The following NCAPG variants were observed in gnomAD, a reference collection of about 807,000 sequenced individuals.
The protein encoded by NCAPG is non-SMC condensin I complex subunit G.
NCAPG carries 69 observed loss-of-function variants against 113.1 expected under a neutral mutation model. That is an observed-to-expected ratio of 0.61 (90% confidence interval 0.50 to 0.75). The LOEUF is 0.75. Among genes scored for constraint, NCAPG ranks in the 30% least tolerant of loss-of-function variants. NCAPG has a pLI of 0.00. For synonymous variants in NCAPG, 370 were observed against 415.8 expected, an observed-to-expected ratio of 0.89 and a Z score of 1.34; for missense variants, 1,058 against 1,177.0, an observed-to-expected ratio of 0.90 and a Z score of 1.48.
chr4:17,836,842 C>T (rs1722117240), intron 14 of NCAPG, among the ~76,000 whole-genome samples: 1 of 151,954 alleles, frequency 6.6e-6, no homozygotes, highest in South Asian at 2.1e-4. Context: ...CTTAGAAACC[C>T]TAAGCATTTA....
At chr4:17,818,119 G>T in intron 7 of NCAPG, 31 bp downstream of exon 7, 2 of 1,580,596 alleles carry the variant, frequency 1.3e-6, no homozygotes, top group South Asian at 2.4e-5. Context: ...TTTGGAGAGT[G>T]ATTGTGTTGC....
intron 7 of NCAPG, among the ~76,000 whole-genome samples, chr4:17,821,003 A>G (rs1457325469): frequency 2.0e-5 from 3 of 152,224 alleles, no homozygotes; most frequent in African/African-American, 7.2e-5. Flanking sequence ...ATTATAATAA[A>G]TGTCTTTATA....
chr4:17,838,329 C>A (rs1722186698), intron 16 of NCAPG, among the ~76,000 whole-genome samples: 1 of 152,202 alleles, frequency 6.6e-6, no homozygotes, highest in Admixed American at 6.5e-5. Flanking sequence ...CAGATGCTAA[C>A]AGATTAAGTT....
intron 11 of NCAPG, among the ~76,000 whole-genome samples, chr4:17,826,973 G>A (rs1560227533): frequency 6.6e-6 from 1 of 152,196 alleles, no homozygotes; most frequent in Non-Finnish European, 1.5e-5. Context: ...CAAAGGGCAA[G>A]TAACTTGCCC....
chr4:17,839,704 T>G lies in NCAPG; in HGVS notation c.2495T>G (p.Met832Arg). ...TTAACAGTACATGACAATTTGGCTATGAAAATTTGCAATGAGATCTTAACA... is the reference window on the plus strand; with the variant it reads ...TTAACAGTACATGACAATTTGGCTAGGAAAATTTGCAATGAGATCTTAACA... ...QALTVHDNLA[M>R]KICNEILTSP... is the part of the protein sequence containing the mutation. Residue 832 changes from methionine to arginine, a missense_variant, in exon 17 of 21, where the codon ATG (methionine) becomes AGG (arginine). By Grantham distance (91) the Met-to-Arg change is moderately conservative. Transcript: ENST00000251496. 2 of 1,563,604 alleles carry G rather than the reference T, an allele frequency of 1.3e-6. No homozygotes were observed. Among genetic ancestry groups the G allele is most frequent in the South Asian group, 2.4e-5 (2 of 82,304 alleles).
intron 13 of NCAPG, among the ~76,000 whole-genome samples, chr4:17,833,829 A>T (rs941707117): frequency 6.6e-6 from 1 of 152,164 alleles, no homozygotes; most frequent in African/African-American, 2.4e-5. Flanking sequence ...AGAAAAATGA[A>T]ACTTGATAAC....
intron 6 of NCAPG, among the ~76,000 whole-genome samples, 172 bp from the exon 7 acceptor site, chr4:17,817,767 C>CT (rs1721274269): frequency 6.6e-6 from 1 of 152,098 alleles, no homozygotes; most frequent in Non-Finnish European, 1.5e-5. Flanking sequence ...TTATTTGGTT[C>CT]TTTTTTGTTC....
intron 16 of NCAPG, 45 bp downstream of exon 16, chr4:17,837,846 A>C (rs1331326805): frequency 6.2e-7 from 1 of 1,603,652 alleles, no homozygotes; most frequent in African/African-American, 1.3e-5. Context: ...TTTTGGTAAA[A>C]TAATCTCTCT....
chr4:17,812,904 G>T lies in NCAPG; in HGVS notation c.316-13G>T, dbSNP rs1312694539. 6.8e-6 allele frequency: 11 copies of T among 1,606,286 alleles called. No homozygotes were observed. The highest frequency in any genetic ancestry group is 9.4e-6 in the Non-Finnish European group (11 of 1,173,654). On this transcript the variant is annotated splice_polypyrimidine_tract_variant and intron_variant, in intron 2 of 20. Coordinates refer to ENST00000251496, the MANE Select transcript of NCAPG (RefSeq NM_022346.5). Reference sequence around the variant, plus strand: ...TGTGACTATGAATAAATTTTGATTTGTTTCTGTTTTAGTCTCATGAAGCAA... The same window carrying T: ...TGTGACTATGAATAAATTTTGATTTTTTTCTGTTTTAGTCTCATGAAGCAA...
At position 17,835,169 on chromosome 4, in the gene NCAPG, G is replaced by A. The variant is rs183536090; in HGVS notation, c.2109+646G>A. 7.9e-3 allele frequency among the ~76,000 whole-genome samples: 1,204 copies of A among 152,196 alleles called. 4 individuals carry two copies. Among genetic ancestry groups the A allele is most frequent in the African/African-American group, 0.017 (723 of 41,534 alleles). Reference sequence around the variant, plus strand: ...CAACTGATTAAAAATTTTTTATACTGATTGTAGTTTTTCATTGAGTTAGAA... The same window carrying A: ...CAACTGATTAAAAATTTTTTATACTAATTGTAGTTTTTCATTGAGTTAGAA... On this transcript the variant is annotated intron_variant, in intron 14 of 20. Coordinates refer to ENST00000251496, the MANE Select transcript of NCAPG (RefSeq NM_022346.5).
rs759810423 is a variant in NCAPG at position 17,823,065 on chromosome 4, A to G, written c.1201A>G (p.Ile401Val). 4 of 1,610,098 alleles carry G rather than the reference A, an allele frequency of 2.5e-6. No individual in the cohort carries two copies. The highest frequency in any genetic ancestry group is 2.5e-6 in the Non-Finnish European group (3 of 1,178,180). ...YIGNLMTKEF[I>V]GQQLILIIKS... ...TGGAAATTTGATGACAAAAGAATTC[A>G]TAGGTCAACAATTGATTCTAATTAT... Residue 401 changes from isoleucine to valine, a missense_variant, in exon 8 of 21, where the codon ATA (isoleucine) becomes GTA (valine). Physicochemically the swap from Ile to Val is conservative, Grantham distance 29 (BLOSUM62 3). Transcript: ENST00000251496.
chr4:17,814,726 T>C, intron 3 of NCAPG, 127 bp from the exon 4 acceptor site: 1 of 1,071,644 alleles, frequency 9.3e-7, no homozygotes, highest in Non-Finnish European at 1.3e-6. Flanking sequence ...TTATAGGCAG[T>C]AGCCATCATG....
At chr4:17,831,574 G>C (rs574795668) in intron 13 of NCAPG, among the ~76,000 whole-genome samples, 8 of 152,254 alleles carry the variant, frequency 5.3e-5, no homozygotes, top group Admixed American at 3.3e-4. Context: ...GGTTGAGAAA[G>C]ACCTCACTAA....
chr4:17,840,467 G>A (rs1006520117), intron 18 of NCAPG, 140 bp from the exon 19 acceptor site: 22 of 602,982 alleles, frequency 3.6e-5, no homozygotes, highest in East Asian at 6.9e-5. Context: ...TCAAATTTTC[G>A]AAAGGGTGAT....
At chr4:17,842,983 C>CAA (rs1722563385) in intron 20 of NCAPG, 1 of 176,052 alleles carries the variant, frequency 5.7e-6, no homozygotes, top group Non-Finnish European at 1.2e-5. Context: ...TCTTGAGTTT[C>CAA]AAAGAAATCT....
At position 17,817,312 on chromosome 4, in the gene NCAPG, T is replaced by C. The variant is rs1721250455; in HGVS notation, c.827T>C (p.Phe276Ser). 1.2e-6 allele frequency: 2 copies of C among 1,614,118 alleles called. No homozygotes were observed. The highest frequency in any genetic ancestry group is 1.7e-6 in the Non-Finnish European group (2 of 1,179,980). The change falls in exon 6 of 21, where the codon TTC (phenylalanine) becomes TCC (serine). Residue 276 changes from phenylalanine (F) to serine (S), a missense_variant. Transcript: ENST00000251496. ...QKHLLQGWLRFSEGNILELLH... is the reference protein window; with the variant it reads ...QKHLLQGWLRSSEGNILELLH... Reference sequence around the variant, plus strand: ...CATCTTCTTCAAGGCTGGTTACGGTTCTCTGAAGGAAATATCTTAGAGTTG... The same window carrying C: ...CATCTTCTTCAAGGCTGGTTACGGTCCTCTGAAGGAAATATCTTAGAGTTG...
intron 14 of NCAPG, among the ~76,000 whole-genome samples, chr4:17,836,739 T>C (rs1353384167): frequency 6.6e-6 from 1 of 152,202 alleles, no homozygotes. Context: ...TCACATTCTA[T>C]CCATTATTCA....
chr4:17,838,791 G>A (rs1032995333), intron 16 of NCAPG, among the ~76,000 whole-genome samples: 3 of 152,120 alleles, frequency 2.0e-5, no homozygotes, highest in Non-Finnish European at 4.4e-5. Flanking sequence ...GGATAATTAT[G>A]CAGGGCTTAT....
rs912200682 is a variant in NCAPG at position 17,837,204 on chromosome 4, A to G, written c.2155A>G (p.Met719Val). ...TGAAEGLAKL[M>V]FSGLLVSSRI... ...AGCTGCAGAAGGACTAGCCAAGCTG[A>G]TGTTCTCTGGGCTTTTGGTCAGCAG... is the stretch of plus-strand genomic sequence containing the variant. Residue 719 changes from methionine to valine, a missense_variant, in exon 15 of 21, where the codon ATG becomes GTG. By Grantham distance (21) the Met-to-Val change is conservative. Coordinates refer to ENST00000251496, the MANE Select transcript of NCAPG (RefSeq NM_022346.5). 3 of 1,613,826 alleles carry G rather than the reference A, an allele frequency of 1.9e-6. No homozygotes were observed. The highest frequency in any genetic ancestry group is 2.7e-5 in the African/African-American group (2 of 74,872).
Sources: allele counts gnomAD v4.1 joint callset (sites outside exome capture counted in the v4.1 genomes callset), GRCh38; gene constraint gnomAD v4.1.1; transcripts MANE v1.5; gene names NCBI Gene and HGNC (gene_info 2026-07-23, HGNC 2026-07-21).